The following IARS2 variants were observed in gnomAD, a reference collection of about 807,000 sequenced individuals.
IARS2 encodes the protein isoleucine--tRNA ligase, mitochondrial.
Under a neutral mutation model 126.3 loss-of-function variants are expected in IARS2, and 56 were observed. The ratio of observed to expected loss-of-function variants is 0.44; its 90% CI spans 0.36 to 0.55. The LOEUF (loss-of-function observed/expected upper bound fraction) is 0.55. IARS2 is among the 20% of genes least tolerant of loss of function. IARS2 has a pLI of 0.00. For synonymous variants in IARS2, 407 were observed against 441.1 expected, an observed-to-expected ratio of 0.92 and a Z score of 0.97; for missense variants, 1,127 against 1,245.9, an observed-to-expected ratio of 0.90 and a Z score of 1.44.
rs1381119734 is a variant in IARS2 at position 220,126,816 on chromosome 1, G to A, written c.1810G>A (p.Gly604Arg). ...QDILDIWFDS[G>R]TSWSYVLPGP... ...TATTTTGGACATCTGGTTTGATAGC[G>A]GAACTTCATGGTCTTATGTTCTTCC... Residue 604 changes from glycine to arginine, a missense_variant, in exon 14 of 23, where the codon GGA (glycine) becomes AGA (arginine). By Grantham distance (125) the Gly-to-Arg change is moderately radical. Transcript: ENST00000366922. The A allele has an allele frequency of 1.1e-5, 17 of 1,612,396 alleles. No individual in the cohort carries two copies. The highest frequency in any genetic ancestry group is 4.5e-5 in the East Asian group (2 of 44,834).
rs572205242 is a variant in IARS2 at position 220,128,138 on chromosome 1, C to G, written c.1837+1295C>G. 3.5e-4 allele frequency among the ~76,000 whole-genome samples: 53 copies of G among 150,636 alleles called. 1 individual carries two copies. The highest frequency in any genetic ancestry group is 3.1e-3 in the Admixed American group (46 of 14,814). On this transcript the variant is annotated intron_variant, in intron 14 of 22. Coordinates refer to ENST00000366922, the MANE Select transcript of IARS2 (RefSeq NM_018060.4). ...ATGCAGATGGAAAATATAGTATTCT[C>G]AGGATTTGAAACCCACATATAGAAA... is the stretch of plus-strand genomic sequence containing the variant.
intron 17 of IARS2, 95 bp downstream of exon 17, chr1:220,138,138 T>G: frequency 7.3e-7 from 1 of 1,365,576 alleles, no homozygotes; most frequent in East Asian, 2.3e-5. Context: ...TGAAAAAAAC[T>G]GAATGAAAAC....
rs1042325593 is a variant in IARS2 at position 220,103,248 on chromosome 1, A to G, written c.951-199A>G. 1.6e-4 allele frequency among the ~76,000 whole-genome samples: 24 copies of G among 152,076 alleles called. 1 individual carries two copies. The highest frequency in any genetic ancestry group is 2.1e-4 in the Non-Finnish European group (14 of 68,014). On this transcript the variant is annotated intron_variant, in intron 7 of 22. Transcript: ENST00000366922. ...TTTTTAGTAGAGATGGGGTTTCTCT[A>G]TGTTGGTGAGGCTGGTTGCAAACTC...
rs760791870 is a variant in IARS2 at position 220,102,602 on chromosome 1, T to C, written c.857T>C (p.Ile286Thr). ...CCTTCTCCAAAATTGGCATCTCTTA[T>C]AGGTAAGATTTATTCATAGCTTGAG... ...LKPSPKLASL[I>T]DGSSPVSILV... The change falls in exon 6 of 23, where the codon ATA becomes ACA. Residue 286 changes from isoleucine to threonine, a missense_variant and splice_region_variant. By Grantham distance (89) the Ile-to-Thr change is moderately conservative. Transcript: ENST00000366922. The C allele has an allele frequency of 3.1e-5, 50 of 1,603,602 alleles. No individual in the cohort carries two copies. Among genetic ancestry groups the C allele is most frequent in the Non-Finnish European group, 4.0e-5 (47 of 1,170,624 alleles).
chr1:220,117,348 C>T (rs1176429869), intron 12 of IARS2, among the ~76,000 whole-genome samples: 2 of 151,578 alleles, frequency 1.3e-5, no homozygotes, highest in Admixed American at 1.3e-4. Context: ...TGTGCCACCA[C>T]GCCCGGCTAA....
intron 2 of IARS2, among the ~76,000 whole-genome samples, chr1:220,097,908 G>T (rs1277722471): frequency 6.6e-5 from 10 of 150,472 alleles, no homozygotes; most frequent in African/African-American, 2.5e-4. Flanking sequence ...AGAGTCTCAC[G>T]CTGTCACCCA....
chr1:220,124,850 T>G (rs1657120574), intron 12 of IARS2, among the ~76,000 whole-genome samples: 1 of 152,160 alleles, frequency 6.6e-6, no homozygotes, highest in Non-Finnish European at 1.5e-5. Flanking sequence ...TTGCATCAGT[T>G]TAGTTTTGAG....
chr1:220,145,307 C>T (rs961007024), intron 21 of IARS2, among the ~76,000 whole-genome samples: 21 of 152,076 alleles, frequency 1.4e-4, no homozygotes, highest in African/African-American at 5.1e-4. Flanking sequence ...CTGGCATTCT[C>T]AATAAATACT....
At position 220,138,078 on chromosome 1, in the gene IARS2, A is replaced by G. The variant is rs376170314; in HGVS notation, c.2175+35A>G. On this transcript the variant is annotated intron_variant, in intron 17 of 22. Coordinates refer to ENST00000366922, the MANE Select transcript of IARS2 (RefSeq NM_018060.4). ...ATTATTCTTCCTATTTCTAAAGGAC[A>G]AGTTTGTCAAATCATTGTTTTAAAA... 2.9e-5 allele frequency: 47 copies of G among 1,596,716 alleles called. No individual in the cohort carries two copies. The Middle Eastern group carries it at 1.0e-3, about 35-fold the overall frequency.
At chr1:220,143,680 A>G (rs1216034658) in intron 21 of IARS2, among the ~76,000 whole-genome samples, 3 of 152,208 alleles carry the variant, frequency 2.0e-5, no homozygotes, top group African/African-American at 7.2e-5. Flanking sequence ...AAACAAACCC[A>G]AAAAGAGTTT....
intron 19 of IARS2, among the ~76,000 whole-genome samples, chr1:220,141,203 A>G (rs1657486020): frequency 2.6e-5 from 4 of 152,206 alleles, no homozygotes; most frequent in Admixed American, 2.0e-4. Flanking sequence ...ATCACTACTA[A>G]TATCAGACGA....
rs915660919 is a variant in IARS2 at position 220,136,816 on chromosome 1, AT to A, written c.1956del (p.Ile652MetfsTer49). On this transcript the variant is annotated frameshift_variant, in exon 16 of 23. Coordinates refer to ENST00000366922, the MANE Select transcript of IARS2 (RefSeq NM_018060.4). LOFTEE classifies it high-confidence loss of function. The part of the protein sequence containing the change: ...ARKRAPYKTV[I>X]VHGFTLGEKG... ...GCTGATTTGTCCCTTTAGGACAGTGATTGTTCATGGATTTACCCTTGGAGAA... is the reference window on the plus strand; with the variant it reads ...GCTGATTTGTCCCTTTAGGACAGTGATGTTCATGGATTTACCCTTGGAGAA... 2 of 1,581,562 alleles carry A rather than the reference AT, an allele frequency of 1.3e-6. No individual in the cohort carries two copies. Among genetic ancestry groups the A allele is most frequent in the African/African-American group, 2.7e-5 (2 of 74,258 alleles).
At chr1:220,105,696 G>C (rs1300321613) in intron 8 of IARS2, among the ~76,000 whole-genome samples, 195 bp from the exon 9 acceptor site, 1 of 152,136 alleles carries the variant, frequency 6.6e-6, no homozygotes, top group African/African-American at 2.4e-5. Flanking sequence ...GAAACCCTCT[G>C]AGGTGGGAAC....
rs1402940878 is a variant in IARS2, at chr1:220,147,633, T to C, written c.3037T>C (p.Ter1013GlnextTer2). The C allele has an allele frequency of 1.2e-6, 2 of 1,613,834 alleles. No individual in the cohort carries two copies. Among genetic ancestry groups the C allele is most frequent in the Admixed American group, 1.7e-5 (1 of 59,982 alleles). Residue 1013 changes from the stop codon to glutamine (Q), a stop_lost, in exon 23 of 23, where the codon TAG (stop) becomes CAG (glutamine). Transcript: ENST00000366922. The stretch of plus-strand genomic sequence containing the variant: ...ATGTGCAGAAGTTGTCAGTGGAAAA[T>C]AGTATTAACAGCTCACTCGAGCAAG... Reference protein sequence around the residue: ...PRCAEVVSGK* With the variant: ...PRCAEVVSGKQ
At chr1:220,094,574 A>G in intron 1 of IARS2, 91 bp downstream of exon 1, 3 of 1,109,862 alleles carry the variant, frequency 2.7e-6, no homozygotes, top group Non-Finnish European at 3.8e-6. Context: ...TCTAGGCTCC[A>G]CGCCGGTGCG....
intron 12 of IARS2, among the ~76,000 whole-genome samples, chr1:220,119,118 C>A (rs1435497827): frequency 6.6e-6 from 1 of 152,076 alleles, no homozygotes; most frequent in Non-Finnish European, 1.5e-5. Flanking sequence ...AATCTTAATG[C>A]TGCTTAATGT....
intron 21 of IARS2, 57 bp downstream of exon 21, chr1:220,143,191 A>T: frequency 7.4e-7 from 1 of 1,355,316 alleles, no homozygotes; most frequent in South Asian, 1.6e-5. Flanking sequence ...CTTTGCCTGA[A>T]ATTTGCTTTT....
chr1:220,121,177 C>T (rs960195698), intron 12 of IARS2, among the ~76,000 whole-genome samples: 1 of 152,096 alleles, frequency 6.6e-6, no homozygotes, highest in Non-Finnish European at 1.5e-5. Flanking sequence ...TGCAGGATTG[C>T]TTTTCATTGA....
chr1:220,129,580 C>T (rs1360524006), intron 14 of IARS2, among the ~76,000 whole-genome samples: 3 of 152,138 alleles, frequency 2.0e-5, no homozygotes, highest in African/African-American at 7.2e-5. Context: ...TTTTTTAGCT[C>T]CCACATATGA....
Sources: allele counts gnomAD v4.1 joint callset (sites outside exome capture counted in the v4.1 genomes callset), GRCh38; gene constraint gnomAD v4.1.1; transcripts MANE v1.5; gene names NCBI Gene and HGNC (gene_info 2026-07-23, HGNC 2026-07-21).